Variants in PRPF19 observed in about 807,000 individuals in gnomAD.
PRPF19 encodes pre-mRNA-processing factor 19.
Under a neutral mutation model 64.2 loss-of-function variants are expected in PRPF19, and 2 were observed. The ratio of observed to expected loss-of-function variants is 0.03; its 90% confidence interval spans 0.01 to 0.10. The LOEUF is 0.10. Ranked by LOEUF, PRPF19 falls within the 10% of genes least tolerant of loss-of-function variation. PRPF19 has a pLI of 1.00. For synonymous variants in PRPF19, 226 were observed against 251.6 expected (o/e 0.90, Z 0.96); for missense variants, 314 against 650.0 (o/e 0.48, Z 5.62).
chr11:60,905,895 T>C (rs58631859), intron 1 of PRPF19, among the ~76,000 whole-genome samples: 1,751 of 152,348 alleles, frequency 0.011, 48 homozygotes, highest in South Asian at 0.042. Context: ...CATGTGACCT[T>C]TGCAAATTGC....
At chr11:60,904,177 T>C (rs1856017209) in intron 1 of PRPF19, among the ~76,000 whole-genome samples, 1 of 152,174 alleles carries the variant, frequency 6.6e-6, no homozygotes, top group African/African-American at 2.4e-5. Context: ...ACCTCATATC[T>C]GAACAATGAT....
rs1441918874 is a variant in PRPF19, at chr11:60,899,182, A to C, written c.951T>G (p.Thr317=). ...CGGAGGAGCTCAGGAGATAGTCGCCAGTGGCATGAAGGCTGAGGCCTGTCA... is the reference window on the plus strand; with the variant it reads ...CGGAGGAGCTCAGGAGATAGTCGCCCGTGGCATGAAGGCTGAGGCCTGTCA... ...SAVTGLSLHA[T]GDYLLSSSDD... Residue 317 remains threonine, a synonymous_variant, in exon 11 of 16, where the codon ACT becomes ACG. Transcript: ENST00000227524. 2 of 1,613,802 alleles carry C rather than the reference A, an allele frequency of 1.2e-6. No individual in the cohort carries two copies. The highest frequency in any genetic ancestry group is 3.3e-5 in the Admixed American group (2 of 59,932).
chr11:60,896,440 T>A (rs1013415542), intron 15 of PRPF19, among the ~76,000 whole-genome samples: 4 of 152,194 alleles, frequency 2.6e-5, no homozygotes, highest in East Asian at 1.9e-4. Context: ...GTAGTGCCCA[T>A]AATCCCCACG....
chr11:60,896,603 A>C (rs186264332), intron 15 of PRPF19, among the ~76,000 whole-genome samples: 108 of 152,328 alleles, frequency 7.1e-4, no homozygotes, highest in African/African-American at 2.6e-3. Flanking sequence ...TGCCATGTAA[A>C]GAAAGACATG....
chr11:60,906,496 G>C lies in PRPF19; in HGVS notation c.-114C>G. 1 of 1,185,890 alleles carries C rather than the reference G, an allele frequency of 8.4e-7. No homozygotes were observed. Among genetic ancestry groups the C allele is most frequent in the Non-Finnish European group, 1.2e-6 (1 of 846,570 alleles). 73.5% of individuals were successfully genotyped at this position (1,185,890 alleles called of 1,614,324 possible). On this transcript the variant is annotated 5_prime_UTR_variant, in exon 1 of 16. Coordinates refer to ENST00000227524, the MANE Select transcript of PRPF19 (RefSeq NM_014502.5). The stretch of plus-strand genomic sequence containing the variant: ...TGCCGGGACTGCTCCGCGGCGAGCT[G>C]GGAGCCGCCAGCCGAGCGATGCTAG...
At chr11:60,903,335 C>T (rs1856006404) in intron 3 of PRPF19, 124 bp downstream of exon 3, 15 of 1,082,806 alleles carry the variant, frequency 1.4e-5, no homozygotes, top group Non-Finnish European at 1.7e-5. Flanking sequence ...AAGAATAAAA[C>T]AAATCCCTGA....
intron 2 of PRPF19, 51 bp downstream of exon 2, chr11:60,903,661 C>T (rs1431888929): frequency 1.3e-6 from 2 of 1,574,592 alleles, no homozygotes; most frequent in Non-Finnish European, 1.7e-6. Context: ...ACCTCCCATC[C>T]TCTCAGGCTC....
rs755297689 is a variant in PRPF19, at chr11:60,898,365, G to A, written c.1141-94C>T. On this transcript the variant is annotated intron_variant, in intron 13 of 15. Coordinates refer to ENST00000227524, the MANE Select transcript of PRPF19 (RefSeq NM_014502.5). This position sits in a 1 kb window ranked among gnomAD's most constrained non-coding sequence, Gnocchi z 4.6. ...AACTCCTACCTGAGATGTCCCTCAC[G>A]TCCTTCCAGGAAGGACAGCCAGCGG... 5.8e-5 allele frequency: 89 copies of A among 1,528,588 alleles called. No homozygotes were observed. Among genetic ancestry groups the A allele is most frequent in the South Asian group, 3.8e-4 (31 of 80,602 alleles). 94.7% of individuals were successfully genotyped at this position (1,528,588 alleles called of 1,614,324 possible).
Position 60,906,367 on chromosome 11 carries a change from A to G in PRPF19, c.16T>C (p.Ser6Pro), listed in dbSNP as rs1158699564. Residue 6 changes from serine (S) to proline (P), a missense_variant, in exon 1 of 16, where the codon TCC becomes CCC. Ser to Pro is a moderately conservative substitution (Grantham distance 74, BLOSUM62 -1). Coordinates refer to ENST00000227524, the MANE Select transcript of PRPF19 (RefSeq NM_014502.5). ...CTTGGCCGCAGCCAACACTCACTGG[A>G]GCAGATTAGGGACATGGCGCCGTCA... MSLIC[S>P]ISNEVPEHPC... The G allele has an allele frequency of 2.5e-6, 4 of 1,599,768 alleles. No homozygotes were observed. The highest frequency in any genetic ancestry group is 3.4e-6 in the Non-Finnish European group (4 of 1,174,882).
rs755828527 is a variant in PRPF19, at chr11:60,900,927, C to T, written c.645G>A (p.Gly215=). The change falls in exon 9 of 16, where the codon GGG becomes GGA. Residue 215 remains glycine (G), a splice_region_variant and synonymous_variant. Coordinates refer to ENST00000227524, the MANE Select transcript of PRPF19 (RefSeq NM_014502.5). ...TCCCAGGAATGCTGGCACTGTGCAA[C>T]CCCTTTGCAGAGAGACACACCAAAC... ...SKYRQVASHV[G]LHSASIPGIL... is the part of the protein sequence containing the mutation. The T allele has an allele frequency of 3.1e-6, 5 of 1,614,106 alleles. No individual in the cohort carries two copies. The highest frequency in any genetic ancestry group is 2.7e-5 in the African/African-American group (2 of 75,038).
rs1484889953 is a variant in PRPF19, at chr11:60,902,042, A to G, written c.525+361T>C. Among the ~76,000 whole-genome samples the G allele has an allele frequency of 7.9e-5, 12 of 152,220 alleles. No homozygotes were observed. The East Asian group carries it at 2.3e-3, about 29-fold the overall frequency. On this transcript the variant is annotated intron_variant, in intron 6 of 15. Coordinates refer to ENST00000227524, the MANE Select transcript of PRPF19 (RefSeq NM_014502.5). This position sits in a 1 kb window ranked among gnomAD's most constrained non-coding sequence, Gnocchi z 5.0. ...ATTGCCCTCATAGAAAAAAAACAAG[A>G]AAATATATAAAAGTAGTTTACTATC...
rs529353914 is a variant in PRPF19 at position 60,897,621 on chromosome 11, A to C, written c.1417+225T>G. 2.0e-4 allele frequency: 89 copies of C among 438,474 alleles called. No individual in the cohort carries two copies. The South Asian group carries it at 3.6e-3, about 18-fold the overall frequency. 27.2% of individuals were successfully genotyped at this position (438,474 alleles called of 1,614,324 possible). A position where few individuals can be genotyped will look rare whatever the true frequency, so the allele number is the denominator to read the frequency against. On this transcript the variant is annotated intron_variant, in intron 15 of 15. Coordinates refer to ENST00000227524, the MANE Select transcript of PRPF19 (RefSeq NM_014502.5). ...AGAGGGACTTTTCTCTCCCTTTAGT[A>C]ACCTGCCCAATGCCACAGGGCATGG... is the stretch of plus-strand genomic sequence containing the variant.
Position 60,898,649 on chromosome 11 carries a change from C to G in PRPF19, c.1055-23G>C. 1 of 1,613,968 alleles carries G rather than the reference C, an allele frequency of 6.2e-7. No individual in the cohort carries two copies. Among genetic ancestry groups the G allele is most frequent in the South Asian group, 1.1e-5 (1 of 91,010 alleles). On this transcript the variant is annotated intron_variant, in intron 12 of 15. Transcript: ENST00000227524. This position sits in a 1 kb window ranked among gnomAD's most constrained non-coding sequence, Gnocchi z 4.6. ...GAGCTGTGGAGGAGGGAAGAGAGACCTGTGGTCAGAGCCCACCAGGGAGAG... is the reference window on the plus strand; with the variant it reads ...GAGCTGTGGAGGAGGGAAGAGAGACGTGTGGTCAGAGCCCACCAGGGAGAG...
chr11:60,904,820 T>A (rs1373496959), intron 1 of PRPF19, among the ~76,000 whole-genome samples: 4 of 152,204 alleles, frequency 2.6e-5, no homozygotes, highest in African/African-American at 7.2e-5. Flanking sequence ...AAAGGCATGA[T>A]TCAATAAATC....
chr11:60,900,283 T>C lies in PRPF19; in HGVS notation c.828+299A>G, dbSNP rs552033947. 3.3e-5 allele frequency among the ~76,000 whole-genome samples: 5 copies of C among 152,342 alleles called. No homozygotes were observed. The South Asian group carries it at 8.3e-4, about 25-fold the overall frequency. On this transcript the variant is annotated intron_variant, in intron 10 of 15. Transcript: ENST00000227524. The stretch of plus-strand genomic sequence containing the variant: ...AGATTGTGTTGAGCTTTGTTTTCTG[T>C]AGTTTATATTAGGAACACTATAAGA...
intron 1 of PRPF19, 120 bp from the exon 2 acceptor site, chr11:60,903,981 A>T: frequency 2.3e-6 from 3 of 1,286,218 alleles, no homozygotes; most frequent in Non-Finnish European, 3.2e-6. Context: ...GCAGAAAGCA[A>T]GACATTTGAC....
At position 60,898,013 on chromosome 11, in the gene PRPF19, G is replaced by A. The variant is rs1037712611; in HGVS notation, c.1312-62C>T. The A allele has an allele frequency of 3.2e-5, 52 of 1,607,712 alleles. No homozygotes were observed. The highest frequency in any genetic ancestry group is 3.8e-5 in the Non-Finnish European group (45 of 1,175,516). ...GAACAGAAACTATGGGGCAGTTGCG[G>A]ATAAGCAGAAGCAATTAGATTAATT... On this transcript the variant is annotated intron_variant, in intron 14 of 15. Coordinates refer to ENST00000227524, the MANE Select transcript of PRPF19 (RefSeq NM_014502.5). The surrounding 1 kb of genome is among the most constrained non-coding windows in gnomAD (Gnocchi z 4.6).
intron 15 of PRPF19, among the ~76,000 whole-genome samples, chr11:60,895,990 AATC>A (rs1448894771): frequency 1.3e-5 from 2 of 152,184 alleles, no homozygotes; most frequent in African/African-American, 4.8e-5. Context: ...GGACACAATA[AATC>A]ATGAAGAAGT....
Position 60,898,076 on chromosome 11 carries a change from G to T in PRPF19, c.1311+25C>A, listed in dbSNP as rs137885395. 9.9e-6 allele frequency: 16 copies of T among 1,610,648 alleles called. No individual in the cohort carries two copies. The African/African-American group carries it at 1.7e-4, about 17-fold the overall frequency. On this transcript the variant is annotated intron_variant, in intron 14 of 15. Coordinates refer to ENST00000227524, the MANE Select transcript of PRPF19 (RefSeq NM_014502.5). The surrounding 1 kb of genome is among the most constrained non-coding windows in gnomAD (Gnocchi z 4.6). The stretch of plus-strand genomic sequence containing the variant: ...GACAAACAAGGAGACACAATGGAAA[G>T]CTGGGCGGAGGGGGAAGGGCACACC...
Sources: gnomAD v4.1 joint callset for allele counts (sites outside exome capture counted in the v4.1 genomes callset) on GRCh38, gnomAD v4.1.1 for gene constraint, Gnocchi (gnomAD v3.1) non-coding constraint, MANE v1.5 for transcripts, NCBI Gene and HGNC (gene_info 2026-07-23, HGNC 2026-07-21) for gene names.